RGS7: variants seen among roughly 807,000 people sequenced by gnomAD.
RGS7 encodes the protein regulator of G-protein signaling 7.
Under a neutral mutation model 81.1 loss-of-function variants are expected in RGS7, and 27 were observed. That is an observed-to-expected ratio of 0.33 (90% CI 0.25 to 0.46). The LOEUF is 0.46. Ranked by LOEUF, RGS7 falls within the 20% of genes least tolerant of loss-of-function variation. The pLI is 1.00. For synonymous variants in RGS7, 208 were observed against 207.7 expected (o/e 1.00, Z -0.01); for missense variants, 396 against 607.4 (o/e 0.65, Z 3.66).
chr1:240,865,708 C>T (rs1663107603), intron 9 of RGS7, among the ~76,000 whole-genome samples: 1 of 152,204 alleles, frequency 6.6e-6, no homozygotes, highest in Admixed American at 6.5e-5. Flanking sequence ...GAATTCATTT[C>T]TAGGGACAAA....
Position 241,170,678 on chromosome 1 carries a change from G to A in RGS7, c.79-71916C>T, listed in dbSNP as rs555678580. 2.0e-5 allele frequency among the ~76,000 whole-genome samples: 3 copies of A among 152,294 alleles called. No individual in the cohort carries two copies. The East Asian group carries it at 5.8e-4, about 29-fold the overall frequency. ...ACAAATAAGAGCTGATGTGCAAAAGGCTGATGGAGATCTGGAGGGAGCAGT... is the reference window on the plus strand; with the variant it reads ...ACAAATAAGAGCTGATGTGCAAAAGACTGATGGAGATCTGGAGGGAGCAGT... On this transcript the variant is annotated intron_variant, in intron 2 of 18. Transcript: ENST00000440928.
At chr1:240,884,878 T>A (rs1021464401) in intron 6 of RGS7, among the ~76,000 whole-genome samples, 1 of 152,092 alleles carries the variant, frequency 6.6e-6, no homozygotes, top group African/African-American at 2.4e-5. Context: ...CAAAAGCAAC[T>A]GCAACAAAAG....
intron 9 of RGS7, among the ~76,000 whole-genome samples, chr1:240,859,440 G>GTTTTTTTTTTTTTT (rs5782167): frequency 1.3e-4 from 14 of 110,828 alleles, no homozygotes; most frequent in Non-Finnish European, 1.8e-4. Context: ...TTTCTTTCCT[G>GTTTTTTTTTTTTTT]TTTTTTTTTT....
chr1:241,190,074 G>A (rs1234602019), intron 2 of RGS7, among the ~76,000 whole-genome samples: 1 of 151,824 alleles, frequency 6.6e-6, no homozygotes, highest in African/African-American at 2.4e-5. Context: ...CTGCACTCCA[G>A]CCTGGGCGAC....
rs1413993513 is a variant in RGS7, at chr1:240,806,029, A to G, written c.1269+111T>C. On this transcript the variant is annotated intron_variant, in intron 15 of 18. Coordinates refer to ENST00000440928, the MANE Select transcript of RGS7 (RefSeq NM_001364886.1). ...AGTTAGAGTTATTTTACAGTTATCT[A>G]AATTGAAAATGTTAGAAATAGCTGC... 7.4e-6 allele frequency: 7 copies of G among 949,078 alleles called. No individual in the cohort carries two copies. The Admixed American group carries it at 1.3e-4, about 17-fold the overall frequency. The allele number at this position is 949,078 out of a possible 1,614,324, so 58.8% of individuals were successfully genotyped here. A position where few individuals can be genotyped will look rare whatever the true frequency, so the allele number is the denominator to read the frequency against.
chr1:241,179,029 TG>T (rs2071386852), intron 2 of RGS7, among the ~76,000 whole-genome samples: 1 of 152,172 alleles, frequency 6.6e-6, no homozygotes, highest in African/African-American at 2.4e-5. Context: ...TCTACTGAAT[TG>T]TAAGCTCTAT....
At chr1:240,908,953 C>G (rs773440882) in intron 6 of RGS7, among the ~76,000 whole-genome samples, 1 of 152,180 alleles carries the variant, frequency 6.6e-6, no homozygotes, top group Non-Finnish European at 1.5e-5. Flanking sequence ...ACATTTGGAA[C>G]GCACGAACTA....
chr1:241,325,851 T>C (rs1204707065), intron 2 of RGS7, among the ~76,000 whole-genome samples: 1 of 152,200 alleles, frequency 6.6e-6, no homozygotes, highest in Non-Finnish European at 1.5e-5. Context: ...TCTGTAAGTC[T>C]CTTACAGGAA....
chr1:240,995,487 T>C (rs1382593806), intron 3 of RGS7, among the ~76,000 whole-genome samples: 2 of 152,338 alleles, frequency 1.3e-5, no homozygotes, highest in East Asian at 3.9e-4. Context: ...TTCTAAATTA[T>C]GAATTTAATT....
At chr1:240,845,791 G>A (rs993635424) in intron 9 of RGS7, among the ~76,000 whole-genome samples, 4 of 152,178 alleles carry the variant, frequency 2.6e-5, no homozygotes, top group Non-Finnish European at 5.9e-5. Flanking sequence ...AAGAAATCCA[G>A]GTGGCATGCA....
intron 2 of RGS7, among the ~76,000 whole-genome samples, chr1:241,116,693 G>A (rs2065906853): frequency 6.6e-6 from 1 of 151,990 alleles, no homozygotes; most frequent in African/African-American, 2.4e-5. Flanking sequence ...CATAGTCATG[G>A]GGTACATAGT....
intron 3 of RGS7, among the ~76,000 whole-genome samples, chr1:241,028,951 G>T (rs572595946): frequency 6.6e-6 from 1 of 152,194 alleles, no homozygotes; most frequent in South Asian, 2.1e-4. Flanking sequence ...TTCCTATTTC[G>T]AAGAAACTAA....
At chr1:240,800,937 A>G (rs560833371) in intron 17 of RGS7, among the ~76,000 whole-genome samples, 2 of 152,280 alleles carry the variant, frequency 1.3e-5, no homozygotes, top group African/African-American at 4.8e-5. Context: ...AATAAGGAAT[A>G]AGAAAGGCAG....
intron 2 of RGS7, among the ~76,000 whole-genome samples, chr1:241,353,360 C>T (rs1457033455): frequency 2.6e-5 from 4 of 152,158 alleles, no homozygotes; most frequent in South Asian, 2.1e-4. Context: ...AATGGACACA[C>T]GAAATATGTG....
At chr1:240,925,335 T>C (rs1383848227) in intron 6 of RGS7, among the ~76,000 whole-genome samples, 2 of 152,148 alleles carry the variant, frequency 1.3e-5, no homozygotes, top group East Asian at 3.9e-4. Context: ...TGCCCATGTA[T>C]ACCCAATGTT....
chr1:240,953,804 A>C (rs1299087524), intron 4 of RGS7, among the ~76,000 whole-genome samples: 1 of 152,046 alleles, frequency 6.6e-6, no homozygotes, highest in Non-Finnish European at 1.5e-5. Context: ...AAAAATCAAC[A>C]AAATTAAAAG....
At chr1:241,245,668 G>A (rs112206863) in intron 2 of RGS7, among the ~76,000 whole-genome samples, 5 of 151,896 alleles carry the variant, frequency 3.3e-5, no homozygotes, top group East Asian at 1.9e-4. Context: ...TTAGCCAGGC[G>A]TAGTGGCAAG....
intron 2 of RGS7, chr1:241,186,532 T>C: frequency 2.6e-6 from 1 of 382,626 alleles, no homozygotes. Flanking sequence ...TATTTTTTTT[T>C]TTTTTTTTTG....
chr1:241,260,489 T>C (rs1317618385), intron 2 of RGS7, among the ~76,000 whole-genome samples: 1 of 152,240 alleles, frequency 6.6e-6, no homozygotes, highest in African/African-American at 2.4e-5. Flanking sequence ...AATTTGTGCT[T>C]TAAAATTCTA....
Sources: gnomAD v4.1 joint callset for allele counts (sites outside exome capture counted in the v4.1 genomes callset) on GRCh38, gnomAD v4.1.1 for gene constraint, MANE v1.5 for transcripts, NCBI Gene and HGNC (gene_info 2026-07-23, HGNC 2026-07-21) for gene names.